Variants in GALNT13 observed in about 807,000 individuals in gnomAD.
GALNT13 encodes polypeptide N-acetylgalactosaminyltransferase 13.
Under a neutral mutation model 64.2 loss-of-function variants are expected in GALNT13, and 28 were observed. That is an observed-to-expected ratio of 0.44 (90% CI 0.32 to 0.60). GALNT13 has a LOEUF of 0.60. GALNT13 is among the 20% of genes least tolerant of loss of function. The probability of loss-of-function intolerance (pLI) is 0.05; values close to 1 mark genes in which losing one functional copy is unlikely to be tolerated. For synonymous variants in GALNT13, 214 were observed against 224.6 expected (o/e 0.95, Z 0.42); for missense variants, 577 against 669.8 (o/e 0.86, Z 1.53).
At chr2:153,366,473 C>T in the GALNT13 span, among the ~76,000 whole-genome samples, 1 of 151,300 alleles carries the variant, frequency 6.6e-6, no homozygotes, top group Non-Finnish European at 1.5e-5. Flanking sequence ...AACTGAAACA[C>T]AAAGAGGAGT....
intron 4 of GALNT13, among the ~76,000 whole-genome samples, chr2:154,164,831 A>G (rs904399031): frequency 6.6e-6 from 1 of 152,148 alleles, no homozygotes; most frequent in East Asian, 1.9e-4. Flanking sequence ...AAAATCGACC[A>G]GGTTTATAAA....
chr2:154,093,372 T>C (rs1439814601), intron 3 of GALNT13, among the ~76,000 whole-genome samples: 2 of 152,006 alleles, frequency 1.3e-5, no homozygotes, highest in Admixed American at 6.6e-5. Context: ...CCCATAAGCA[T>C]TTTTTCAATT....
chr2:154,429,642 T>A (rs950883370), intron 11 of GALNT13, among the ~76,000 whole-genome samples: 15 of 152,324 alleles, frequency 9.8e-5, no homozygotes, highest in African/African-American at 3.4e-4. Flanking sequence ...CATTGATAAA[T>A]GTGAATACAG....
intron 11 of GALNT13, among the ~76,000 whole-genome samples, chr2:154,433,767 T>A (rs77275800): frequency 6.7e-6 from 1 of 148,488 alleles, no homozygotes; most frequent in Non-Finnish European, 1.5e-5. Flanking sequence ...AAAAAAAAAT[T>A]CATGTACACC....
chr2:153,962,311 G>C (rs1385870130), intron 3 of GALNT13, among the ~76,000 whole-genome samples: 1 of 152,150 alleles, frequency 6.6e-6, no homozygotes, highest in African/African-American at 2.4e-5. Flanking sequence ...AGTCAAGAGA[G>C]TAAAGCGAGT....
intron 2 of GALNT13, among the ~76,000 whole-genome samples, chr2:153,940,070 TTTG>T (rs769521173): frequency 5.3e-5 from 8 of 151,086 alleles, no homozygotes; most frequent in Non-Finnish European, 1.2e-4. Flanking sequence ...GAGGGCATTT[TTTG>T]TTGTTGTTTT....
chr2:153,674,158 A>G, the GALNT13 span, among the ~76,000 whole-genome samples: 1 of 152,318 alleles, frequency 6.6e-6, no homozygotes, highest in East Asian at 1.9e-4. Flanking sequence ...TGCTATCCCC[A>G]ACAAACTACC....
chr2:153,728,910 C>G, the GALNT13 span, among the ~76,000 whole-genome samples: 8 of 152,158 alleles, frequency 5.3e-5, no homozygotes, highest in African/African-American at 1.7e-4. Context: ...AATTCCTGGA[C>G]ACATTCACCC....
chr2:153,907,921 C>T (rs954465816), intron 2 of GALNT13, among the ~76,000 whole-genome samples: 1 of 152,000 alleles, frequency 6.6e-6, no homozygotes, highest in African/African-American at 2.4e-5. Context: ...TATGTATATA[C>T]CCAGTAATGG....
chr2:153,739,253 T>C, the GALNT13 span, among the ~76,000 whole-genome samples: 2 of 151,828 alleles, frequency 1.3e-5, no homozygotes, highest in African/African-American at 4.8e-5. Flanking sequence ...CAGATTACTA[T>C]TACCATCACA....
chr2:154,211,650 AAAAAAGAAAAG>A (rs1302018309), intron 4 of GALNT13, among the ~76,000 whole-genome samples: 4 of 149,580 alleles, frequency 2.7e-5, no homozygotes, highest in Admixed American at 1.3e-4. Flanking sequence ...AAAAAAAAAA[AAAAAAGAAAAG>A]AAAAGAAAAG....
At chr2:154,404,679 CTG>C (rs1276361853) in intron 10 of GALNT13, among the ~76,000 whole-genome samples, 1 of 152,144 alleles carries the variant, frequency 6.6e-6, no homozygotes, top group Non-Finnish European at 1.5e-5. Context: ...AGTCTGCAGT[CTG>C]TGAATTCTTG....
chr2:153,220,348 T>G, the GALNT13 span, among the ~76,000 whole-genome samples: 1 of 152,168 alleles, frequency 6.6e-6, no homozygotes, highest in East Asian at 1.9e-4. Context: ...CTAGAACTGG[T>G]AATCGGCAGC....
the GALNT13 span, among the ~76,000 whole-genome samples, chr2:153,450,292 C>A: frequency 1.3e-5 from 2 of 152,116 alleles, no homozygotes; most frequent in Non-Finnish European, 2.9e-5. Flanking sequence ...TTATACGTTG[C>A]TGCATTCACT....
the GALNT13 span, among the ~76,000 whole-genome samples, chr2:153,261,890 A>G: frequency 6.6e-6 from 1 of 152,118 alleles, no homozygotes; most frequent in South Asian, 2.1e-4. Flanking sequence ...ATGTTTGCTC[A>G]ATGACCAAGG....
At chr2:153,675,151 A>G in the GALNT13 span, among the ~76,000 whole-genome samples, 2 of 152,238 alleles carry the variant, frequency 1.3e-5, no homozygotes, top group Non-Finnish European at 2.9e-5. Context: ...TTCCTCAAGT[A>G]TCTAGAACTA....
chr2:153,476,951 T>TA, the GALNT13 span, among the ~76,000 whole-genome samples: 1 of 152,058 alleles, frequency 6.6e-6, no homozygotes, highest in African/African-American at 2.4e-5. Flanking sequence ...ACGCCCTCCC[T>TA]AAAGGCTGTC....
chr2:153,891,455 C>T (rs766078958), intron 1 of GALNT13, among the ~76,000 whole-genome samples: 32 of 151,994 alleles, frequency 2.1e-4, no homozygotes, highest in Non-Finnish European at 1.8e-4. Flanking sequence ...GAAATCACAA[C>T]GCCTTTATGA....
At chr2:153,849,746 T>TA in the GALNT13 span, among the ~76,000 whole-genome samples, 1 of 151,958 alleles carries the variant, frequency 6.6e-6, no homozygotes, top group African/African-American at 2.4e-5. Flanking sequence ...AAGGCAGAGA[T>TA]ATGGAGAGTA....
Sources: gnomAD v4.1 joint callset for allele counts (sites outside exome capture counted in the v4.1 genomes callset) on GRCh38, gnomAD v4.1.1 for gene constraint, MANE v1.5 for transcripts, NCBI Gene and HGNC (gene_info 2026-07-23, HGNC 2026-07-21) for gene names.